The following TPP2 variants were observed in gnomAD, a reference collection of about 807,000 sequenced individuals.
TPP2 encodes the protein tripeptidyl peptidase 2, also known as tripeptidyl-peptidase 2.
Under a neutral mutation model 155.9 loss-of-function variants are expected in TPP2, and 34 were observed. The ratio of observed to expected loss-of-function variants is 0.22; its 90% CI spans 0.17 to 0.29. The LOEUF (loss-of-function observed/expected upper bound fraction) is 0.29. TPP2 is among the 10% of genes least tolerant of loss of function. TPP2 has a pLI of 1.00. For missense variants in TPP2, 1,028 were observed against 1,522.3 expected, an observed-to-expected ratio of 0.68 and a Z score of 5.40; for synonymous variants, 510 against 529.4, an observed-to-expected ratio of 0.96 and a Z score of 0.50.
At chr13:102,600,866 G>C (rs73575109) in intron 1 of TPP2, among the ~76,000 whole-genome samples, 14,793 of 151,290 alleles carry the variant, frequency 0.098, 1,072 homozygotes, top group African/African-American at 0.2. Flanking sequence ...TGCTTTCATA[G>C]ATAGTGTCCT....
At chr13:102,625,047 A>G (rs1182671625) in intron 6 of TPP2, among the ~76,000 whole-genome samples, 1 of 150,328 alleles carries the variant, frequency 6.7e-6, no homozygotes, top group Non-Finnish European at 1.5e-5. Context: ...TTTAGTAGAG[A>G]CAGGGTTTCA....
intron 24 of TPP2, among the ~76,000 whole-genome samples, chr13:102,656,142 CA>C (rs1400233659): frequency 2.6e-5 from 4 of 152,004 alleles, no homozygotes; most frequent in African/African-American, 7.2e-5. Context: ...ATCTATTTTC[CA>C]AATAGAATAC....
At chr13:102,666,918 A>G (rs1884645717) in intron 27 of TPP2, among the ~76,000 whole-genome samples, 1 of 152,234 alleles carries the variant, frequency 6.6e-6, no homozygotes, top group African/African-American at 2.4e-5. Flanking sequence ...TTAAGTTTTT[A>G]GCGACACTGG....
Position 102,679,753 on chromosome 13 carries a change from G to C in TPP2, c.*1437G>C, listed in dbSNP as rs1320411083. On this transcript the variant is annotated 3_prime_UTR_variant, in exon 30 of 30. Transcript: ENST00000376052. ...TTTGTATAGGTTTAGTCCAGTAAGA[G>C]AATGGAGAAGCTCAGTAAAGGTAGG... is the stretch of plus-strand genomic sequence containing the variant. 2.6e-5 allele frequency: 4 copies of C among 152,192 alleles called. No individual in the cohort carries two copies. The highest frequency in any genetic ancestry group is 2.6e-4 in the Admixed American group (4 of 15,284). 9.4% of individuals were successfully genotyped at this position (152,192 alleles called of 1,614,324 possible).
chr13:102,607,913 A>G (rs1879968929), intron 2 of TPP2: 1 of 183,036 alleles, frequency 5.5e-6, no homozygotes, highest in Non-Finnish European at 1.2e-5. Context: ...AAATAGCTGC[A>G]GTAATCCCGG....
chr13:102,664,893 T>C lies in TPP2; in HGVS notation c.3339T>C (p.Thr1113=). The C allele has an allele frequency of 6.2e-7, 1 of 1,613,752 alleles. No individual in the cohort carries two copies. ...TALAVYIAMK[T]DPRPDAATIK... ...TAGCAGTTTATATTGCAATGAAGAC[T>C]GATCCCAGGCCTGATGCAGCTACTA... is the stretch of plus-strand genomic sequence containing the variant. The change falls in exon 27 of 30, where the codon ACT becomes ACC. Residue 1113 remains threonine (T), a synonymous_variant. Transcript: ENST00000376052.
chr13:102,664,076 A>C (rs1884428609), intron 26 of TPP2, among the ~76,000 whole-genome samples: 1 of 152,234 alleles, frequency 6.6e-6, no homozygotes, highest in Non-Finnish European at 1.5e-5. Flanking sequence ...CACTGAAAGA[A>C]TTCCTACTTT....
intron 27 of TPP2, among the ~76,000 whole-genome samples, chr13:102,669,285 A>G (rs1884813963): frequency 6.6e-6 from 1 of 152,080 alleles, no homozygotes; most frequent in Non-Finnish European, 1.5e-5. Flanking sequence ...TTAAGGGTGG[A>G]TTGGACACGT....
chr13:102,610,402 G>T lies in TPP2; in HGVS notation c.295-3699G>T, dbSNP rs1318222449. Among the ~76,000 whole-genome samples, 3 of 152,126 alleles carry T rather than the reference G, an allele frequency of 2.0e-5. No homozygotes were observed. In the South Asian group the frequency reaches 6.2e-4, roughly 32 times the overall value. Reference sequence around the variant, plus strand: ...CGCCACCATGCCCGGCTAATTTTTTGTATTTTTAGTAGAGACTGGGTTTCA... The same window carrying T: ...CGCCACCATGCCCGGCTAATTTTTTTTATTTTTAGTAGAGACTGGGTTTCA... On this transcript the variant is annotated intron_variant, in intron 2 of 29. Transcript: ENST00000376052.
chr13:102,613,714 T>A (rs1209104927), intron 2 of TPP2, among the ~76,000 whole-genome samples: 29 of 152,232 alleles, frequency 1.9e-4, no homozygotes, highest in Non-Finnish European at 1.5e-5. Flanking sequence ...TCTGCTGCTT[T>A]GCTTTCTCTG....
intron 29 of TPP2, 63 bp downstream of exon 29, chr13:102,676,478 C>G: frequency 6.3e-7 from 1 of 1,576,080 alleles, no homozygotes; most frequent in Middle Eastern, 1.9e-4. Context: ...GACAAGATAA[C>G]TAGAAAGGAT....
At chr13:102,630,827 C>CT (rs1402569137) in intron 10 of TPP2, among the ~76,000 whole-genome samples, 1 of 152,126 alleles carries the variant, frequency 6.6e-6, no homozygotes, top group African/African-American at 2.4e-5. Context: ...AAAATAAAGC[C>CT]TATTTTAATT....
intron 1 of TPP2, among the ~76,000 whole-genome samples, chr13:102,603,709 A>G (rs1211274359): frequency 6.6e-6 from 1 of 152,202 alleles, no homozygotes; most frequent in Non-Finnish European, 1.5e-5. Flanking sequence ...CTGATAAAAT[A>G]CAGCTTGTTT....
Position 102,678,323 on chromosome 13 carries a change from A to G in TPP2, c.*7A>G, listed in dbSNP as rs1049287216. ...CGATTATTGCGTATTCTAAAATAGG[A>G]AACAAGACTTTAAATTTTAAAAAAG... On this transcript the variant is annotated 3_prime_UTR_variant, in exon 30 of 30. Coordinates refer to ENST00000376052, the MANE Select transcript of TPP2 (RefSeq NM_001330588.2). 33 of 1,603,284 alleles carry G rather than the reference A, an allele frequency of 2.1e-5. No homozygotes were observed. Among genetic ancestry groups the G allele is most frequent in the Non-Finnish European group, 2.7e-5 (32 of 1,177,276 alleles).
chr13:102,612,265 A>G (rs1179737539), intron 2 of TPP2, among the ~76,000 whole-genome samples: 1 of 152,198 alleles, frequency 6.6e-6, no homozygotes, highest in Non-Finnish European at 1.5e-5. Context: ...ATTTGGAAGC[A>G]AAAGCCTCTA....
intron 5 of TPP2, 108 bp downstream of exon 5, chr13:102,618,954 C>G (rs1329058988): frequency 7.4e-6 from 10 of 1,358,818 alleles, no homozygotes; most frequent in African/African-American, 1.5e-5. Flanking sequence ...TTCGTGATAT[C>G]ACTCAGCAAA....
intron 11 of TPP2, among the ~76,000 whole-genome samples, chr13:102,635,000 T>C (rs1377807776): frequency 6.6e-6 from 1 of 152,192 alleles, no homozygotes. Context: ...TTTAATGAGC[T>C]CTGGAGAGGA....
chr13:102,648,866 G>C, intron 21 of TPP2, 41 bp from the exon 22 acceptor site: 1 of 1,549,380 alleles, frequency 6.5e-7, no homozygotes, highest in Non-Finnish European at 8.7e-7. Context: ...CGTTGACTTG[G>C]TTAAACTTAA....
At chr13:102,638,179 T>TC (rs1882512413) in intron 14 of TPP2, 60 bp from the exon 15 acceptor site, 6 of 1,490,040 alleles carry the variant, frequency 4.0e-6, no homozygotes, top group East Asian at 2.3e-5. Flanking sequence ...GTTTAGACCT[T>TC]CCCCCGCTCT....
Sources: allele counts gnomAD v4.1 joint callset (sites outside exome capture counted in the v4.1 genomes callset), GRCh38; gene constraint gnomAD v4.1.1; transcripts MANE v1.5; gene names NCBI Gene and HGNC (gene_info 2026-07-23, HGNC 2026-07-21).